PLEKHM3: variants seen among roughly 807,000 people sequenced by gnomAD.
The protein encoded by PLEKHM3 is pleckstrin homology domain containing M3, also known as pleckstrin homology domain-containing family M member 3.
In PLEKHM3, 45 loss-of-function variants were observed where a neutral mutation model predicts 81.8. The ratio of observed to expected loss-of-function variants is 0.55; its 90% CI spans 0.43 to 0.71. The LOEUF is 0.71. PLEKHM3 is among the 30% of genes least tolerant of loss of function. The probability of loss-of-function intolerance (pLI) is 0.00; values close to 1 mark genes in which losing one functional copy is unlikely to be tolerated. For missense variants in PLEKHM3, 788 were observed against 924.3 expected (o/e 0.85, Z 1.91); for synonymous variants, 352 against 356.4 (o/e 0.99, Z 0.14).
chr2:207,945,548 C>T (rs1294760135), intron 4 of PLEKHM3, among the ~76,000 whole-genome samples: 1 of 152,144 alleles, frequency 6.6e-6, no homozygotes, highest in Non-Finnish European at 1.5e-5. Flanking sequence ...GGTTCTAGTT[C>T]CAAAGGCCTG....
chr2:207,965,579 G>A (rs968557294), intron 3 of PLEKHM3, among the ~76,000 whole-genome samples: 1 of 152,146 alleles, frequency 6.6e-6, no homozygotes, highest in African/African-American at 2.4e-5. Flanking sequence ...TAAAATCAAA[G>A]GGCCTACTTA....
At chr2:208,007,803 C>A (rs1299526877) in intron 1 of PLEKHM3, among the ~76,000 whole-genome samples, 1 of 152,068 alleles carries the variant, frequency 6.6e-6, no homozygotes, top group Non-Finnish European at 1.5e-5. Context: ...TGCCTGTAAT[C>A]CCAGCACTTT....
intron 6 of PLEKHM3, among the ~76,000 whole-genome samples, chr2:207,872,235 C>T (rs1460925070): frequency 2.6e-5 from 4 of 152,150 alleles, no homozygotes; most frequent in African/African-American, 9.7e-5. Flanking sequence ...TGCCTACTGA[C>T]CCACCTTGTA....
chr2:207,943,709 A>G (rs1690020771), intron 4 of PLEKHM3, among the ~76,000 whole-genome samples: 1 of 151,836 alleles, frequency 6.6e-6, no homozygotes, highest in South Asian at 2.1e-4. Flanking sequence ...TCTACTAAAA[A>G]TACAAAAAAT....
intron 5 of PLEKHM3, among the ~76,000 whole-genome samples, chr2:207,929,120 T>C (rs531067777): frequency 6.6e-6 from 1 of 152,300 alleles, no homozygotes; most frequent in South Asian, 2.1e-4. Context: ...CATTATATAA[T>C]GGTTATGAAC....
chr2:207,940,475 G>A (rs1689904637), intron 4 of PLEKHM3, among the ~76,000 whole-genome samples: 1 of 152,170 alleles, frequency 6.6e-6, no homozygotes, highest in Admixed American at 6.5e-5. Flanking sequence ...GACACCAAGA[G>A]TCTAAATAAC....
chr2:207,876,871 G>A (rs914860384), intron 6 of PLEKHM3, among the ~76,000 whole-genome samples: 1 of 152,152 alleles, frequency 6.6e-6, no homozygotes, highest in African/African-American at 2.4e-5. Context: ...CATCCCTTCA[G>A]GCACATTTGT....
intron 6 of PLEKHM3, among the ~76,000 whole-genome samples, chr2:207,861,685 T>C (rs1395139282): frequency 6.6e-6 from 1 of 152,196 alleles, no homozygotes; most frequent in African/African-American, 2.4e-5. Flanking sequence ...CTCTGATGAA[T>C]TAATGGGATA....
chr2:207,987,964 T>C (rs938906421), intron 2 of PLEKHM3, among the ~76,000 whole-genome samples: 2 of 152,200 alleles, frequency 1.3e-5, no homozygotes, highest in Admixed American at 1.3e-4. Flanking sequence ...ATCATCTATA[T>C]TCTCTATTTA....
intron 5 of PLEKHM3, chr2:207,929,969 T>C (rs1309899497): frequency 1.4e-6 from 1 of 692,330 alleles, no homozygotes; most frequent in African/African-American, 1.8e-5. Context: ...TAAAAGGTAT[T>C]TTTAGAGACT....
rs975166294 is a variant in PLEKHM3 at position 207,858,098 on chromosome 2, T to C, written c.2108+3007A>G. Among the ~76,000 whole-genome samples, 22 of 151,822 alleles carry C rather than the reference T, an allele frequency of 1.4e-4. 1 individual carries two copies. The South Asian group carries it at 3.1e-3, about 21-fold the overall frequency. On this transcript the variant is annotated intron_variant, in intron 7 of 7. Transcript: ENST00000427836. ...GACCCATGAGTTGCTTAGAAATATA[T>C]TGTCTAATTTCCAAATATTTTGGGG...
chr2:207,861,721 C>T (rs1163780630), intron 6 of PLEKHM3, among the ~76,000 whole-genome samples: 6 of 151,996 alleles, frequency 3.9e-5, no homozygotes, highest in African/African-American at 1.2e-4. Flanking sequence ...TCCCCAAGAA[C>T]ATAGAGTAAA....
chr2:207,833,143 G>C (rs1274199304), intron 7 of PLEKHM3, among the ~76,000 whole-genome samples: 1 of 149,968 alleles, frequency 6.7e-6, no homozygotes, highest in Non-Finnish European at 1.5e-5. Context: ...AGATTCATTG[G>C]CCCCCCTGAG....
At chr2:207,859,751 C>T (rs2092457167) in intron 7 of PLEKHM3, among the ~76,000 whole-genome samples, 1 of 151,994 alleles carries the variant, frequency 6.6e-6, no homozygotes, top group South Asian at 2.1e-4. Flanking sequence ...GTGCCTGCTA[C>T]CATGCCCGGC....
At chr2:207,865,263 C>T (rs1239730274) in intron 6 of PLEKHM3, among the ~76,000 whole-genome samples, 1 of 152,070 alleles carries the variant, frequency 6.6e-6, no homozygotes, top group Non-Finnish European at 1.5e-5. Flanking sequence ...CATTTATTCC[C>T]CCTCTTTTAA....
chr2:207,855,410 CT>C (rs1370450486), intron 7 of PLEKHM3, among the ~76,000 whole-genome samples: 1 of 152,036 alleles, frequency 6.6e-6, no homozygotes, highest in African/African-American at 2.4e-5. Flanking sequence ...AAATAAACAA[CT>C]AAAAAAAATA....
intron 1 of PLEKHM3, among the ~76,000 whole-genome samples, 166 bp from the exon 2 acceptor site, chr2:208,002,123 C>A (rs1692329344): frequency 6.6e-6 from 1 of 152,204 alleles, no homozygotes; most frequent in African/African-American, 2.4e-5. Context: ...CATATCACTA[C>A]CCGCTTTGGA....
At chr2:207,899,849 C>CCATGG (rs2105885980) in intron 6 of PLEKHM3, among the ~76,000 whole-genome samples, 1 of 152,264 alleles carries the variant, frequency 6.6e-6, no homozygotes, top group Admixed American at 6.5e-5. Context: ...TTTAAGGTTA[C>CCATGG]CATGGCCTCA....
intron 1 of PLEKHM3, among the ~76,000 whole-genome samples, chr2:208,004,935 C>T (rs1488610974): frequency 2.0e-5 from 3 of 152,180 alleles, no homozygotes; most frequent in African/African-American, 7.2e-5. Context: ...AAGCGATTCT[C>T]CTGCCTCAAC....
Sources: allele counts gnomAD v4.1 joint callset (sites outside exome capture counted in the v4.1 genomes callset), GRCh38; gene constraint gnomAD v4.1.1; transcripts MANE v1.5; gene names NCBI Gene and HGNC (gene_info 2026-07-23, HGNC 2026-07-21).